Variants in UNC5D observed in about 807,000 individuals in gnomAD.
UNC5D encodes netrin receptor UNC5D.
Under a neutral mutation model 105.4 loss-of-function variants are expected in UNC5D, and 39 were observed. The observed-to-expected ratio is 0.37, with a 90% CI of 0.29 to 0.48. The LOEUF is 0.48. Among genes scored for constraint, UNC5D ranks in the 20% least tolerant of loss-of-function variants. The pLI is 0.98. For missense variants in UNC5D, 991 were observed against 1,202.4 expected, an observed-to-expected ratio of 0.82 and a Z score of 2.60; for synonymous variants, 452 against 450.4, an observed-to-expected ratio of 1.00 and a Z score of -0.04.
chr8:35,280,961 G>A (rs1207208097), intron 1 of UNC5D, among the ~76,000 whole-genome samples: 2 of 152,248 alleles, frequency 1.3e-5, no homozygotes, highest in East Asian at 3.9e-4. Context: ...AAACATATGT[G>A]TGCCTGTCTC....
At chr8:35,494,053 A>G (rs375510464) in intron 1 of UNC5D, among the ~76,000 whole-genome samples, 72 of 152,254 alleles carry the variant, frequency 4.7e-4, no homozygotes, top group African/African-American at 1.7e-3. Flanking sequence ...CCCAACTGAA[A>G]AGTCAAGCTC....
intron 3 of UNC5D, among the ~76,000 whole-genome samples, chr8:35,574,873 AT>A (rs113934774): frequency 1.5e-4 from 22 of 148,244 alleles, no homozygotes; most frequent in Non-Finnish European, 1.9e-4. Flanking sequence ...TTGCTTATCT[AT>A]TTTTTTTTTA....
At chr8:35,423,974 A>C (rs1360649218) in intron 1 of UNC5D, among the ~76,000 whole-genome samples, 1 of 151,990 alleles carries the variant, frequency 6.6e-6, no homozygotes, top group East Asian at 1.9e-4. Context: ...TTAAAAAAAA[A>C]GTTTTTGTAG....
chr8:35,517,937 T>C (rs1029779754), intron 1 of UNC5D, among the ~76,000 whole-genome samples: 2 of 152,120 alleles, frequency 1.3e-5, no homozygotes, highest in African/African-American at 4.8e-5. Flanking sequence ...CAGGTGCCCC[T>C]TTCATAAGGG....
At chr8:35,774,176 G>C (rs1802133011) in intron 15 of UNC5D, 123 bp from the exon 16 acceptor site, 2 of 1,008,966 alleles carry the variant, frequency 2.0e-6, no homozygotes. Context: ...ATTTTATAGA[G>C]TCCATCACAA....
intron 1 of UNC5D, among the ~76,000 whole-genome samples, chr8:35,479,072 G>A (rs1187273183): frequency 6.6e-6 from 1 of 152,116 alleles, no homozygotes; most frequent in Non-Finnish European, 1.5e-5. Context: ...CTGGATTGCA[G>A]CATTTTTCTT....
intron 1 of UNC5D, among the ~76,000 whole-genome samples, chr8:35,389,962 C>T (rs1164870057): frequency 6.6e-6 from 1 of 152,140 alleles, no homozygotes; most frequent in Non-Finnish European, 1.5e-5. Context: ...TAAAGAAATA[C>T]CTGAGACAGA....
intron 1 of UNC5D, among the ~76,000 whole-genome samples, chr8:35,401,520 G>A (rs529024975): frequency 2.0e-5 from 3 of 152,292 alleles, no homozygotes; most frequent in Non-Finnish European, 2.9e-5. Flanking sequence ...ATACTTGACA[G>A]ATGAACGAGA....
intron 1 of UNC5D, chr8:35,256,554 T>C (rs979252845): frequency 1.3e-5 from 2 of 151,978 alleles, no homozygotes; most frequent in African/African-American, 4.8e-5. Flanking sequence ...ACCATAAAAA[T>C]GTCTTCATTT....
At chr8:35,483,226 G>T (rs2130002757) in intron 1 of UNC5D, among the ~76,000 whole-genome samples, 1 of 152,212 alleles carries the variant, frequency 6.6e-6, no homozygotes, top group African/African-American at 2.4e-5. Flanking sequence ...TTACAGCACA[G>T]GGTGATACAG....
At chr8:35,259,624 A>G (rs1009063475) in intron 1 of UNC5D, among the ~76,000 whole-genome samples, 2 of 152,092 alleles carry the variant, frequency 1.3e-5, no homozygotes, top group Non-Finnish European at 2.9e-5. Context: ...CTCCTCTCTG[A>G]AATAGAGGAG....
chr8:35,517,940 CA>C (rs1316857088), intron 1 of UNC5D, among the ~76,000 whole-genome samples: 1 of 152,126 alleles, frequency 6.6e-6, no homozygotes, highest in Non-Finnish European at 1.5e-5. Context: ...GTGCCCCTTT[CA>C]TAAGGGCACT....
intron 1 of UNC5D, among the ~76,000 whole-genome samples, chr8:35,516,270 G>A (rs1023007462): frequency 6.6e-6 from 1 of 152,118 alleles, no homozygotes; most frequent in Non-Finnish European, 1.5e-5. Context: ...TGCAAATCTG[G>A]AATAAAACAG....
chr8:35,301,173 G>A (rs540871269), intron 1 of UNC5D, among the ~76,000 whole-genome samples: 75 of 152,260 alleles, frequency 4.9e-4, no homozygotes, highest in African/African-American at 1.7e-3. Flanking sequence ...ACCTTGAGAT[G>A]TCTTGTGGTG....
At chr8:35,601,764 C>G (rs570235992) in intron 4 of UNC5D, among the ~76,000 whole-genome samples, 13 of 152,186 alleles carry the variant, frequency 8.5e-5, no homozygotes, top group Non-Finnish European at 1.8e-4. Context: ...ATTTGACTTC[C>G]TCTTTTCCTA....
chr8:35,589,355 T>G (rs954076262), intron 3 of UNC5D, among the ~76,000 whole-genome samples: 1 of 151,866 alleles, frequency 6.6e-6, no homozygotes, highest in Non-Finnish European at 1.5e-5. Flanking sequence ...TCATTATAAA[T>G]GATTATTTGA....
intron 1 of UNC5D, among the ~76,000 whole-genome samples, chr8:35,452,795 A>G (rs993403708): frequency 2.0e-5 from 3 of 152,192 alleles, no homozygotes; most frequent in Non-Finnish European, 4.4e-5. Context: ...AGCCACAGGT[A>G]TTTATTGTCC....
At chr8:35,768,085 A>G (rs1801853478) in intron 15 of UNC5D, among the ~76,000 whole-genome samples, 1 of 151,714 alleles carries the variant, frequency 6.6e-6, no homozygotes, top group South Asian at 2.1e-4. Flanking sequence ...ACACATTTAT[A>G]TACCTACAAT....
At chr8:35,553,403 G>A (rs1028103592) in intron 2 of UNC5D, among the ~76,000 whole-genome samples, 3 of 151,264 alleles carry the variant, frequency 2.0e-5, no homozygotes, top group African/African-American at 7.3e-5. Flanking sequence ...AAGAAACTGA[G>A]CAAAACAAAA....
Sources: allele counts gnomAD v4.1 joint callset (sites outside exome capture counted in the v4.1 genomes callset), GRCh38; gene constraint gnomAD v4.1.1; transcripts MANE v1.5; gene names NCBI Gene and HGNC (gene_info 2026-07-23, HGNC 2026-07-21).